The following PTOV1 variants were observed in gnomAD, a reference collection of about 807,000 sequenced individuals.
PTOV1 encodes PTOV1 extended AT-hook containing adaptor protein, also known as prostate tumor-overexpressed gene 1 protein.
In PTOV1, 20 loss-of-function variants were observed where a neutral mutation model predicts 58.0. That is an observed-to-expected ratio of 0.34 (90% CI 0.24 to 0.50). The LOEUF (loss-of-function observed/expected upper bound fraction) is 0.50, where lower values mean the gene tolerates loss of function less well. Among genes scored for constraint, PTOV1 ranks in the 20% least tolerant of loss-of-function variants. PTOV1 has a pLI of 0.98. For missense variants in PTOV1, 593 were observed against 565.4 expected (o/e 1.05, Z -0.50); for synonymous variants, 335 against 234.2 (o/e 1.43, Z -3.93).
chr19:49,858,016 G>A (rs1157027678), intron 8 of PTOV1, 39 bp downstream of exon 8: 3 of 1,613,464 alleles, frequency 1.9e-6, no homozygotes, highest in Non-Finnish European at 1.7e-6. Flanking sequence ...GCATCCAGGG[G>A]AGCTGGGGCT....
chr19:49,851,159 A>G, exon 1 of PTOV1: 1 of 1,252,144 alleles, frequency 8.0e-7, no homozygotes. Flanking sequence ...CGCTCGCCTC[A>G]GTGGTTCGGC....
chr19:49,857,956 A>G, exon 8 of PTOV1: 3 of 1,613,762 alleles, frequency 1.9e-6, no homozygotes, highest in Non-Finnish European at 2.5e-6. Flanking sequence ...TCCCACGTCT[A>G]CGTGAACCAG....
intron 1 of PTOV1, 86 bp from the exon 2 acceptor site, chr19:49,854,320 G>A: frequency 6.6e-7 from 1 of 1,508,072 alleles, no homozygotes; most frequent in South Asian, 1.3e-5. Flanking sequence ...CTGAATATTG[G>A]GACGTCCCCT....
chr19:49,857,270 G>T lies in PTOV1; in HGVS notation c.714+140G>T. On this transcript the variant is annotated intron_variant, in intron 6 of 11. Coordinates refer to ENST00000391842, the Ensembl canonical transcript of PTOV1. Reference sequence around the variant, plus strand: ...GCTGCAGGGGAGCCCGGAGGATGCCGGGCGGGTTCCCACCAGGGCTCCATG... The same window carrying T: ...GCTGCAGGGGAGCCCGGAGGATGCCTGGCGGGTTCCCACCAGGGCTCCATG... The T allele has an allele frequency of 4.8e-6, 6 of 1,253,816 alleles. No individual in the cohort carries two copies. The South Asian group carries it at 8.2e-5, about 17-fold the overall frequency. The allele number at this position is 1,253,816 out of a possible 1,614,324, so 77.7% of individuals were successfully genotyped here. A position where few individuals can be genotyped will look rare whatever the true frequency, so the allele number is the denominator to read the frequency against.
intron 1 of PTOV1, chr19:49,852,481 CT>C (rs1263420384): frequency 1.3e-5 from 2 of 152,244 alleles, no homozygotes; most frequent in Non-Finnish European, 2.9e-5. Context: ...ACTAGATGGG[CT>C]TCCCTGTGCA....
rs145500134 is a variant in PTOV1, at chr19:49,857,493, G to A, written c.715-200G>A. The A allele has an allele frequency of 1.2e-4, 79 of 635,360 alleles. No individual in the cohort carries two copies. In the Middle Eastern group the frequency reaches 2.6e-3, roughly 21 times the overall value. The allele number at this position is 635,360 out of a possible 1,614,324, so 39.4% of individuals were successfully genotyped here. On this transcript the variant is annotated intron_variant, in intron 6 of 11. Transcript: ENST00000391842. ...AGGTCCTGTGCACCAGGTGAGGGCC[G>A]GGACCTGTCTCAGGCCACTGGGGAG...
intron 5 of PTOV1, chr19:49,855,347 G>A (rs1056875375): frequency 3.8e-5 from 19 of 503,066 alleles, no homozygotes; most frequent in African/African-American, 3.7e-4. Flanking sequence ...GAGGGACTGG[G>A]GCCAGCCCTG....
intron 1 of PTOV1, 103 bp from the exon 2 acceptor site, chr19:49,854,303 T>G: frequency 2.1e-6 from 3 of 1,455,506 alleles, no homozygotes; most frequent in Non-Finnish European, 2.8e-6. Flanking sequence ...CAGCAGGGGA[T>G]TTGGGGCTGA....
chr19:49,851,180 C>T (rs1162101527), exon 1 of PTOV1: 6 of 1,227,838 alleles, frequency 4.9e-6, no homozygotes, highest in Admixed American at 4.4e-5. Flanking sequence ...CGCGGCGACC[C>T]CACTCCGGCG....
chr19:49,858,807 C>T (rs1363436406), intron 10 of PTOV1, 154 bp downstream of exon 10: 1 of 647,954 alleles, frequency 1.5e-6, no homozygotes, highest in African/African-American at 1.8e-5. Flanking sequence ...TCTGGGGGCT[C>T]TGTGCTGTCC....
At chr19:49,853,277 A>G (rs1425497590) in intron 1 of PTOV1, 1 of 152,202 alleles carries the variant, frequency 6.6e-6, no homozygotes, top group Non-Finnish European at 1.5e-5. Context: ...GGCGCCTATT[A>G]CGGGGAAACT....
upstream of PTOV1, chr19:49,851,045 G>C: frequency 6.6e-7 from 1 of 1,507,860 alleles, no homozygotes. Context: ...CCGCAGGACC[G>C]CCGAGCCCAC....
exon 12 of PTOV1, chr19:49,860,286 C>T (rs773358450): frequency 1.3e-5 from 21 of 1,613,048 alleles, no homozygotes; most frequent in Non-Finnish European, 1.7e-5. Context: ...GTAGTGGTTA[C>T]CCCGGGCTGG....
At chr19:49,852,760 C>T (rs1342376424) in intron 1 of PTOV1, 1 of 152,186 alleles carries the variant, frequency 6.6e-6, no homozygotes, top group East Asian at 1.9e-4. Flanking sequence ...GTTCTCCTGA[C>T]TTTTACCCAT....
At chr19:49,858,942 C>T in intron 10 of PTOV1, 1 of 323,430 alleles carries the variant, frequency 3.1e-6, no homozygotes, top group Non-Finnish European at 5.8e-6. Flanking sequence ...CCTTGTCACT[C>T]CTGGTTTCCC....
intron 5 of PTOV1, chr19:49,856,439 A>G (rs1350518248): frequency 6.3e-6 from 1 of 159,272 alleles, no homozygotes; most frequent in Non-Finnish European, 1.4e-5. Context: ...TCATCTAGAC[A>G]CCACAGCCAG....
exon 11 of PTOV1, chr19:49,860,006 C>G (rs781081329): frequency 1.2e-6 from 2 of 1,614,192 alleles, no homozygotes; most frequent in South Asian, 2.2e-5. Flanking sequence ...TGCACTTTTC[C>G]TACAAAGCAT....
At chr19:49,858,348 T>TG (rs2074575341) in intron 9 of PTOV1, 3 of 687,770 alleles carry the variant, frequency 4.4e-6, no homozygotes, top group Admixed American at 2.7e-5. Context: ...GACCTGCACC[T>TG]GGGGGGCTGC....
At chr19:49,857,166 G>C in intron 6 of PTOV1, 36 bp downstream of exon 6, 3 of 1,612,570 alleles carry the variant, frequency 1.9e-6, no homozygotes, top group Non-Finnish European at 1.7e-6. Context: ...TGGGGACAGA[G>C]GGGGATTAGA....
Sources: allele counts gnomAD v4.1 joint callset, GRCh38; gene constraint gnomAD v4.1.1; transcripts MANE v1.5; gene names NCBI Gene and HGNC (gene_info 2026-07-23, HGNC 2026-07-21).